The following PPARGC1A variants were observed in gnomAD, a reference collection of about 807,000 sequenced individuals.
PPARGC1A encodes PPARG coactivator 1 alpha, also known as peroxisome proliferator-activated receptor gamma coactivator 1-alpha.
A neutral mutation model predicts 88.7 loss-of-function variants in PPARGC1A; 25 were observed. The observed-to-expected ratio is 0.28, with a 90% CI of 0.21 to 0.39. PPARGC1A has a LOEUF of 0.39. Ranked by LOEUF, PPARGC1A falls within the 10% of genes least tolerant of loss-of-function variation. PPARGC1A has a pLI of 1.00. For missense variants in PPARGC1A, 880 were observed against 968.7 expected, an observed-to-expected ratio of 0.91 and a Z score of 1.22; for synonymous variants, 363 against 355.6, an observed-to-expected ratio of 1.02 and a Z score of -0.24.
the PPARGC1A span, among the ~76,000 whole-genome samples, chr4:24,268,827 T>A: frequency 5.9e-5 from 9 of 152,228 alleles, no homozygotes; most frequent in Non-Finnish European, 1.3e-4. Context: ...AAATGCAAAC[T>A]AATATTTATA....
chr4:24,470,458 G>A, the PPARGC1A span, among the ~76,000 whole-genome samples: 1 of 152,130 alleles, frequency 6.6e-6, no homozygotes, highest in Non-Finnish European at 1.5e-5. This position sits in a 1 kb window ranked among gnomAD's most constrained non-coding sequence, Gnocchi z 5.8. Flanking sequence ...CCCGCCAGGC[G>A]GGGCAGGATA....
intron 2 of PPARGC1A, among the ~76,000 whole-genome samples, chr4:23,842,436 C>T (rs909569030): frequency 1.3e-5 from 2 of 152,076 alleles, no homozygotes; most frequent in Admixed American, 6.6e-5. Context: ...TTGATAGCAC[C>T]AAGTTTCCAA....
chr4:23,799,703 C>T (rs911218542), intron 12 of PPARGC1A, among the ~76,000 whole-genome samples: 5 of 152,104 alleles, frequency 3.3e-5, no homozygotes, highest in Admixed American at 2.0e-4. Context: ...AGGGAGATAA[C>T]GAGAGAGGAA....
chr4:24,110,939 C>T, the PPARGC1A span, among the ~76,000 whole-genome samples: 1 of 152,206 alleles, frequency 6.6e-6, no homozygotes, highest in South Asian at 2.1e-4. Flanking sequence ...AAGCCCAGTA[C>T]TAGATATTCT....
the PPARGC1A span, among the ~76,000 whole-genome samples, chr4:23,927,015 G>A: frequency 6.6e-6 from 1 of 152,164 alleles, no homozygotes. Flanking sequence ...ATGGGGTTAT[G>A]TCCAATAAAT....
chr4:24,289,219 CAAAAAAAAAAA>C, the PPARGC1A span, among the ~76,000 whole-genome samples: 23 of 82,774 alleles, frequency 2.8e-4, no homozygotes, highest in African/African-American at 8.9e-4. Context: ...GACTCCGTCT[CAAAAAAAAAAA>C]AAAAAAAAAA....
the PPARGC1A span, among the ~76,000 whole-genome samples, chr4:24,237,403 T>C: frequency 6.6e-6 from 1 of 152,148 alleles, no homozygotes; most frequent in Non-Finnish European, 1.5e-5. Context: ...ATTGTACTTA[T>C]ATTTCTCATA....
chr4:24,428,784 G>C, the PPARGC1A span, among the ~76,000 whole-genome samples: 2 of 152,226 alleles, frequency 1.3e-5, no homozygotes, highest in African/African-American at 4.8e-5. Context: ...TTCCTGTGGT[G>C]ATTGGAAGCC....
the PPARGC1A span, among the ~76,000 whole-genome samples, chr4:24,103,218 T>C: frequency 6.6e-6 from 1 of 152,158 alleles, no homozygotes; most frequent in Non-Finnish European, 1.5e-5. Flanking sequence ...GGGGAAGCCT[T>C]GGCCGAGTGG....
At chr4:24,039,169 G>A in the PPARGC1A span, among the ~76,000 whole-genome samples, 24 of 152,044 alleles carry the variant, frequency 1.6e-4, no homozygotes, top group East Asian at 5.8e-4. Context: ...TAATTTATTC[G>A]CTTTCCAATT....
chr4:24,339,034 ATAAAT>A, the PPARGC1A span, among the ~76,000 whole-genome samples: 4 of 151,986 alleles, frequency 2.6e-5, no homozygotes, highest in Admixed American at 6.5e-5. Flanking sequence ...CCACTAAAAA[ATAAAT>A]TGCTATCCCT....
chr4:24,230,210 G>A, the PPARGC1A span, among the ~76,000 whole-genome samples: 1 of 152,180 alleles, frequency 6.6e-6, no homozygotes, highest in Non-Finnish European at 1.5e-5. Flanking sequence ...AACTACATGT[G>A]TATAAACAAG....
the PPARGC1A span, among the ~76,000 whole-genome samples, chr4:23,984,146 A>T: frequency 2.0e-5 from 3 of 152,066 alleles, no homozygotes; most frequent in Non-Finnish European, 4.4e-5. Flanking sequence ...TATCTTCTGG[A>T]CATCCACACC....
chr4:24,442,850 T>G, the PPARGC1A span, among the ~76,000 whole-genome samples: 6 of 152,214 alleles, frequency 3.9e-5, no homozygotes, highest in Admixed American at 3.9e-4. Flanking sequence ...TTTCCAATTA[T>G]GGTGGTGAAC....
chr4:23,985,154 G>A, the PPARGC1A span, among the ~76,000 whole-genome samples: 1 of 152,124 alleles, frequency 6.6e-6, no homozygotes, highest in Non-Finnish European at 1.5e-5. Flanking sequence ...TTACATGGCG[G>A]TTGGGTAGCC....
chr4:23,960,614 C>CCTTGAAAATT, the PPARGC1A span, among the ~76,000 whole-genome samples: 1 of 152,084 alleles, frequency 6.6e-6, no homozygotes, highest in East Asian at 1.9e-4. Context: ...GTGAAAATGA[C>CCTTGAAAATT]TACAAGGAAA....
chr4:24,013,219 T>C, the PPARGC1A span, among the ~76,000 whole-genome samples: 2 of 152,154 alleles, frequency 1.3e-5, no homozygotes, highest in Non-Finnish European at 2.9e-5. Context: ...AATTAATTAA[T>C]TTTTTATTTT....
At chr4:24,202,408 G>C in the PPARGC1A span, among the ~76,000 whole-genome samples, 2 of 152,100 alleles carry the variant, frequency 1.3e-5, no homozygotes, top group East Asian at 3.9e-4. Context: ...ACGTAACAGA[G>C]AGCCAGGCAC....
chr4:24,089,479 C>G, the PPARGC1A span, among the ~76,000 whole-genome samples: 5 of 138,944 alleles, frequency 3.6e-5, no homozygotes, highest in African/African-American at 1.3e-4. Flanking sequence ...ACTAGGATGC[C>G]TTTTTCTTTT....
Sources: allele counts gnomAD v4.1 joint callset (sites outside exome capture counted in the v4.1 genomes callset), GRCh38; gene constraint gnomAD v4.1.1; non-coding constraint Gnocchi (gnomAD v3.1); transcripts MANE v1.5; gene names NCBI Gene and HGNC (gene_info 2026-07-23, HGNC 2026-07-21).